SLC35F4: variants seen among roughly 807,000 people sequenced by gnomAD.
SLC35F4 encodes chromosome 14 open reading frame 36.
SLC35F4 carries 24 observed loss-of-function variants against 44.2 expected under a neutral mutation model. The ratio of observed to expected loss-of-function variants is 0.54; its 90% CI spans 0.39 to 0.76. The LOEUF is 0.76. Ranked by LOEUF, SLC35F4 falls within the 30% of genes least tolerant of loss-of-function variation. SLC35F4 has a pLI of 0.00. For synonymous variants in SLC35F4, 238 were observed against 223.6 expected (o/e 1.06, Z -0.57); for missense variants, 562 against 586.1 (o/e 0.96, Z 0.42).
At chr14:57,688,553 G>A (rs547293784) in intron 1 of SLC35F4, among the ~76,000 whole-genome samples, 98 of 152,282 alleles carry the variant, frequency 6.4e-4, no homozygotes, top group Non-Finnish European at 1.1e-3. Flanking sequence ...GTTTCTGTTG[G>A]AAAAGACCTT....
At chr14:57,716,316 G>A (rs111930302) in intron 1 of SLC35F4, among the ~76,000 whole-genome samples, 131 of 148,706 alleles carry the variant, frequency 8.8e-4, no homozygotes, top group African/African-American at 2.9e-3. Flanking sequence ...TCTGTCTTTT[G>A]TAATACTAAC....
rs866483136 is a variant in SLC35F4, at chr14:57,741,907, G to A, written c.103+123816C>T. ...AAACTCTACAAGCCAGAAGAGAGTG[G>A]GGGCCAATATTCAACATTCTCAAAG... On this transcript the variant is annotated intron_variant, in intron 1 of 7. Transcript: ENST00000556826. Among the ~76,000 whole-genome samples the A allele has an allele frequency of 7.2e-5, 11 of 152,114 alleles. 1 individual carries two copies. The Middle Eastern group carries it at 9.5e-3, about 131-fold the overall frequency.
chr14:57,592,379 T>C (rs1239212388), intron 2 of SLC35F4, among the ~76,000 whole-genome samples: 1 of 152,254 alleles, frequency 6.6e-6, no homozygotes, highest in African/African-American at 2.4e-5. Flanking sequence ...CTTTTCAGAT[T>C]ATTCTTTTCT....
chr14:57,589,160 A>G, intron 3 of SLC35F4, 56 bp downstream of exon 3: 1 of 1,511,866 alleles, frequency 6.6e-7, no homozygotes, highest in Non-Finnish European at 8.9e-7. Context: ...AAAAATAGGC[A>G]TATTTTCATA....
intron 1 of SLC35F4, among the ~76,000 whole-genome samples, chr14:57,724,091 T>G (rs963002842): frequency 2.0e-5 from 3 of 152,192 alleles, no homozygotes; most frequent in Admixed American, 1.3e-4. Context: ...AACACATTCC[T>G]CATCTGGGTG....
chr14:57,967,993 T>C (rs1376357352), intron 1 of SLC35F4, among the ~76,000 whole-genome samples: 2 of 152,358 alleles, frequency 1.3e-5, no homozygotes, highest in East Asian at 3.9e-4. Flanking sequence ...GTCTGTTTTC[T>C]AAGAAAGGCA....
At chr14:57,902,908 G>A (rs993423571) in intron 1 of SLC35F4, among the ~76,000 whole-genome samples, 2 of 152,088 alleles carry the variant, frequency 1.3e-5, no homozygotes, top group African/African-American at 4.8e-5. Flanking sequence ...CCCCATCAGA[G>A]AGGCCTTCCC....
chr14:57,913,656 T>C (rs1262538556), intron 1 of SLC35F4, among the ~76,000 whole-genome samples: 1 of 152,292 alleles, frequency 6.6e-6, no homozygotes, highest in East Asian at 1.9e-4. Context: ...TATAAACATA[T>C]ACACACATAA....
rs182088596 is a variant in SLC35F4, at chr14:57,591,972, A to G, written c.289+1967T>C. ...CCAATAGTCACCTACACCTTTTCAT[A>G]GTATTGACTCTAGGCTTCTTCTGTT... On this transcript the variant is annotated intron_variant, in intron 2 of 7. Transcript: ENST00000556826. Among the ~76,000 whole-genome samples the G allele has an allele frequency of 5.9e-5, 9 of 152,338 alleles. No individual in the cohort carries two copies. The South Asian group carries it at 8.3e-4, about 14-fold the overall frequency.
intron 1 of SLC35F4, among the ~76,000 whole-genome samples, chr14:57,735,693 A>C (rs2076445691): frequency 6.6e-6 from 1 of 151,756 alleles, no homozygotes; most frequent in South Asian, 2.1e-4. Context: ...TGCTTAAAAC[A>C]AGTCAAAACT....
At chr14:57,632,178 C>A (rs12890546) in intron 1 of SLC35F4, among the ~76,000 whole-genome samples, 112,213 of 151,882 alleles carry the variant, frequency 0.74, 42,668 homozygotes, top group Non-Finnish European at 0.84. Flanking sequence ...CATATAGTTT[C>A]AACAACAAAA....
intron 4 of SLC35F4, among the ~76,000 whole-genome samples, chr14:57,574,509 A>G (rs965855050): frequency 2.6e-5 from 4 of 152,202 alleles, no homozygotes; most frequent in African/African-American, 4.8e-5. Context: ...TGACATGAGC[A>G]GTAATTCATA....
intron 4 of SLC35F4, among the ~76,000 whole-genome samples, chr14:57,574,396 C>T (rs1187270356): frequency 6.6e-6 from 1 of 152,114 alleles, no homozygotes; most frequent in Non-Finnish European, 1.5e-5. Flanking sequence ...CTTTCAATTG[C>T]CTTCACAGAG....
chr14:57,585,000 G>A (rs984693678), intron 3 of SLC35F4, among the ~76,000 whole-genome samples: 1 of 152,126 alleles, frequency 6.6e-6, no homozygotes, highest in East Asian at 1.9e-4. Flanking sequence ...TGTCTATTTG[G>A]ATGGGAATCA....
At chr14:57,583,680 C>CCCCTTTCTTT (rs1273568973) in intron 3 of SLC35F4, among the ~76,000 whole-genome samples, 2 of 152,184 alleles carry the variant, frequency 1.3e-5, no homozygotes, top group Non-Finnish European at 2.9e-5. Flanking sequence ...CCTCGTTCTT[C>CCCCTTTCTTT]CCCTTTCTTT....
intron 1 of SLC35F4, among the ~76,000 whole-genome samples, chr14:57,838,388 G>C (rs1393673726): frequency 6.6e-6 from 1 of 152,154 alleles, no homozygotes; most frequent in Admixed American, 6.5e-5. Flanking sequence ...CTAGTCAGGG[G>C]CCAGCAATAC....
chr14:57,810,875 C>T (rs1881886673), intron 1 of SLC35F4, among the ~76,000 whole-genome samples: 1 of 152,206 alleles, frequency 6.6e-6, no homozygotes, highest in South Asian at 2.1e-4. Context: ...TTCATAATTC[C>T]TCTAAGGCAG....
chr14:57,669,709 G>C (rs2074448039), intron 1 of SLC35F4, among the ~76,000 whole-genome samples: 2 of 152,052 alleles, frequency 1.3e-5, no homozygotes, highest in African/African-American at 4.8e-5. Context: ...TAAGCTTTTT[G>C]ATGTGCTGCT....
At chr14:57,892,328 A>G (rs1888786894) in intron 1 of SLC35F4, among the ~76,000 whole-genome samples, 1 of 152,192 alleles carries the variant, frequency 6.6e-6, no homozygotes, top group Non-Finnish European at 1.5e-5. Flanking sequence ...GTCAGGTGAC[A>G]TGTTTAGTCT....
Sources: gnomAD v4.1 joint callset for allele counts (sites outside exome capture counted in the v4.1 genomes callset) on GRCh38, gnomAD v4.1.1 for gene constraint, MANE v1.5 for transcripts, NCBI Gene and HGNC (gene_info 2026-07-23, HGNC 2026-07-21) for gene names.